PTBP3: variants seen among roughly 807,000 people sequenced by gnomAD.
The protein encoded by PTBP3 is polypyrimidine tract-binding protein 3.
PTBP3 carries 20 observed loss-of-function variants against 58.7 expected under a neutral mutation model. That is an observed-to-expected ratio of 0.34 (90% CI 0.24 to 0.50). The LOEUF (loss-of-function observed/expected upper bound fraction) is 0.50, where lower values mean the gene tolerates loss of function less well. PTBP3 is among the 20% of genes least tolerant of loss of function. The pLI, the probability that PTBP3 is intolerant of heterozygous loss-of-function variation, is 0.98. For synonymous variants in PTBP3, 185 were observed against 219.8 expected (o/e 0.84, Z 1.40); for missense variants, 509 against 637.2 (o/e 0.80, Z 2.17).
intron 1 of PTBP3, 43 bp downstream of exon 1, chr9:112,333,427 G>C: frequency 6.4e-7 from 1 of 1,563,368 alleles, no homozygotes; most frequent in Admixed American, 1.8e-5. Flanking sequence ...TGGAAGCGGC[G>C]CCAAGGCAAC....
upstream of PTBP3, among the ~76,000 whole-genome samples, chr9:112,335,763 A>T (rs1264544828): frequency 6.8e-6 from 1 of 147,458 alleles, no homozygotes. Context: ...CATCTCTACT[A>T]AAAATAGGAA....
At chr9:112,279,072 CATTT>C (rs1827746902) in intron 2 of PTBP3, among the ~76,000 whole-genome samples, 1 of 151,990 alleles carries the variant, frequency 6.6e-6, no homozygotes. Flanking sequence ...AAGAACGACT[CATTT>C]AGGTGACTGG....
intron 2 of PTBP3, among the ~76,000 whole-genome samples, chr9:112,295,601 T>TAA (rs35276003): frequency 0.026 from 2,368 of 92,410 alleles, 62 homozygotes; most frequent in Non-Finnish European, 0.031. Context: ...GTTCTGTTGG[T>TAA]AAAAAAAAAA....
At chr9:112,261,378 T>C (rs1026094343) in intron 5 of PTBP3, among the ~76,000 whole-genome samples, 2 of 152,258 alleles carry the variant, frequency 1.3e-5, no homozygotes, top group Non-Finnish European at 2.9e-5. Flanking sequence ...CTGAGCTCTA[T>C]CGCCAATTGG....
At chr9:112,278,029 T>C (rs947449020) in intron 2 of PTBP3, among the ~76,000 whole-genome samples, 1 of 151,900 alleles carries the variant, frequency 6.6e-6, no homozygotes, top group Non-Finnish European at 1.5e-5. Context: ...AGGCACCAAA[T>C]ACCTAAACAG....
intron 1 of PTBP3, among the ~76,000 whole-genome samples, chr9:112,311,624 C>A (rs746590094): frequency 6.6e-6 from 1 of 152,076 alleles, no homozygotes; most frequent in Non-Finnish European, 1.5e-5. Flanking sequence ...TTTTGGCCCC[C>A]CCTAGATACT....
Position 112,228,546 on chromosome 9 carries a change from TAAAG to T in PTBP3, c.1055-78_1055-75del, listed in dbSNP as rs972594454. ...GTTTAATTAATTTTACTAATATACT[TAAAG>T]AAGGCATTTCTTACTCTCCCTTGGC... On this transcript the variant is annotated intron_variant, in intron 10 of 13. Coordinates refer to ENST00000374257, the MANE Select transcript of PTBP3 (RefSeq NM_001163788.4). The T allele has an allele frequency of 7.2e-6, 7 of 970,984 alleles. No individual in the cohort carries two copies. The East Asian group carries it at 8.4e-5, about 12-fold the overall frequency. The allele number at this position is 970,984 out of a possible 1,614,324, so 60.1% of individuals were successfully genotyped here.
Position 112,263,981 on chromosome 9 carries a change from C to CA in PTBP3, c.352-1383dup, listed in dbSNP as rs1036784076. On this transcript the variant is annotated intron_variant, in intron 4 of 13. Coordinates refer to ENST00000374257, the MANE Select transcript of PTBP3 (RefSeq NM_001163788.4). The stretch of plus-strand genomic sequence containing the variant: ...GGGGCCACAGAGCAAGGTGCTGTCT[C>CA]AAAAAAAAAAAAGTGTGTCTGATGC... Among the ~76,000 whole-genome samples, 609 of 134,816 alleles carry CA rather than the reference C, an allele frequency of 4.5e-3. 1 individual carries two copies. The highest frequency in any genetic ancestry group is 0.014 in the African/African-American group (505 of 36,784). 88.4% of individuals were successfully genotyped at this position (134,816 alleles called of 152,430 possible).
chr9:112,345,105 AAAT>A, the PTBP3 span, among the ~76,000 whole-genome samples: 1 of 151,846 alleles, frequency 6.6e-6, no homozygotes, highest in African/African-American at 2.4e-5. Flanking sequence ...TGCACAGCAA[AAAT>A]AATAATAATA....
At chr9:112,288,373 A>C (rs1343642016) in intron 2 of PTBP3, among the ~76,000 whole-genome samples, 5 of 152,128 alleles carry the variant, frequency 3.3e-5, no homozygotes, top group African/African-American at 1.2e-4. Context: ...CAACAGATTC[A>C]AAGGTATTAT....
chr9:112,307,932 C>T (rs1829294968), intron 1 of PTBP3, among the ~76,000 whole-genome samples: 1 of 152,228 alleles, frequency 6.6e-6, no homozygotes, highest in Admixed American at 6.5e-5. Flanking sequence ...TTTCTTAAAA[C>T]ATTAAGATAT....
At chr9:112,332,592 T>C (rs1587905168) in intron 1 of PTBP3, among the ~76,000 whole-genome samples, 1 of 152,160 alleles carries the variant, frequency 6.6e-6, no homozygotes, top group South Asian at 2.1e-4. Context: ...TTCAATTAAT[T>C]CACCAAAATC....
At chr9:112,225,788 C>T (rs139402567) in intron 12 of PTBP3, among the ~76,000 whole-genome samples, 417 of 152,262 alleles carry the variant, frequency 2.7e-3, no homozygotes, top group Non-Finnish European at 4.2e-3. Context: ...TGGGCACAGT[C>T]GTTCACGTCT....
chr9:112,258,994 C>T (rs187326559), intron 5 of PTBP3, among the ~76,000 whole-genome samples: 108 of 152,262 alleles, frequency 7.1e-4, no homozygotes, highest in Middle Eastern at 3.4e-3. Flanking sequence ...CTCTGTCATC[C>T]AGGCTGGAAT....
At chr9:112,321,424 G>A (rs1299782228) in intron 1 of PTBP3, among the ~76,000 whole-genome samples, 4 of 151,588 alleles carry the variant, frequency 2.6e-5, no homozygotes, top group African/African-American at 9.7e-5. Flanking sequence ...AGCTACTCAG[G>A]AGGCTGAGGC....
the PTBP3 span, among the ~76,000 whole-genome samples, chr9:112,376,719 G>A: frequency 9.2e-5 from 14 of 152,142 alleles, no homozygotes; most frequent in Admixed American, 2.0e-4. Context: ...GGCTAGGCCA[G>A]TCTCATCTTT....
At chr9:112,311,910 G>C (rs1168818831) in intron 1 of PTBP3, among the ~76,000 whole-genome samples, 2 of 152,100 alleles carry the variant, frequency 1.3e-5, no homozygotes, top group Non-Finnish European at 2.9e-5. Context: ...GATCGTGCCT[G>C]TGAGTAGCCA....
At chr9:112,235,000 T>C in intron 7 of PTBP3, 103 bp from the exon 8 acceptor site, 1 of 946,582 alleles carries the variant, frequency 1.1e-6, no homozygotes, top group South Asian at 1.6e-5. Context: ...AACAAAGAGA[T>C]TCTGTTACGG....
In PTBP3 at chr9:112,290,707, T is replaced by TACACACACACAC. The variant is rs60262490; in HGVS notation, c.34+7113_34+7124dup. ...AAAAAAATATATATATATATATATA[T>TACACACACACAC]ACACACACACACACACACACACACA... On this transcript the variant is annotated intron_variant, in intron 2 of 13. Transcript: ENST00000374257. 3.9e-3 allele frequency among the ~76,000 whole-genome samples: 428 copies of TACACACACACAC among 110,882 alleles called. 7 individuals carry two copies. Among genetic ancestry groups the TACACACACACAC allele is most frequent in the African/African-American group, 0.015 (395 of 25,750 alleles). 72.7% of individuals were successfully genotyped at this position (110,882 alleles called of 152,430 possible).
Sources: gnomAD v4.1 joint callset for allele counts (sites outside exome capture counted in the v4.1 genomes callset) on GRCh38, gnomAD v4.1.1 for gene constraint, MANE v1.5 for transcripts, NCBI Gene and HGNC (gene_info 2026-07-23, HGNC 2026-07-21) for gene names.